Variants in RARB observed in about 807,000 individuals in gnomAD.
RARB encodes the protein retinoic acid receptor beta, also known as HBV-activated protein.
A neutral mutation model predicts 51.9 loss-of-function variants in RARB; 17 were observed. The observed-to-expected ratio is 0.33, with a 90% confidence interval of 0.22 to 0.49. The LOEUF (loss-of-function observed/expected upper bound fraction) is 0.49, where lower values mean the gene tolerates loss of function less well. Among genes scored for constraint, RARB ranks in the 20% least tolerant of loss-of-function variants. The pLI, the probability that RARB is intolerant of heterozygous loss-of-function variation, is 0.99. For synonymous variants in RARB, 215 were observed against 195.4 expected, an observed-to-expected ratio of 1.10 and a Z score of -0.84; for missense variants, 369 against 550.8, an observed-to-expected ratio of 0.67 and a Z score of 3.30.
intron 3 of RARB, among the ~76,000 whole-genome samples, chr3:25,090,436 T>A (rs1034974665): frequency 6.6e-6 from 1 of 152,152 alleles, no homozygotes; most frequent in Non-Finnish European, 1.5e-5. Flanking sequence ...GTTCAATATA[T>A]AACTTCCAAA....
chr3:25,150,647 G>A (rs148826730), intron 4 of RARB, among the ~76,000 whole-genome samples: 2 of 152,278 alleles, frequency 1.3e-5, no homozygotes, highest in East Asian at 3.9e-4. Flanking sequence ...TGAGAGAACA[G>A]CCCCAGGTTA....
chr3:25,184,067 A>G (rs1640635040), intron 5 of RARB, among the ~76,000 whole-genome samples: 1 of 151,972 alleles, frequency 6.6e-6, no homozygotes, highest in South Asian at 2.1e-4. Context: ...GGCCCCTACC[A>G]TTGTCTTTTT....
chr3:25,012,440 C>A (rs1697419210), intron 2 of RARB, among the ~76,000 whole-genome samples: 1 of 152,058 alleles, frequency 6.6e-6, no homozygotes, highest in Admixed American at 6.6e-5. Flanking sequence ...CCATGTGCAT[C>A]CAGATCATCA....
chr3:24,966,722 G>A (rs1026266638), intron 2 of RARB, among the ~76,000 whole-genome samples: 8 of 151,088 alleles, frequency 5.3e-5, no homozygotes, highest in South Asian at 4.2e-4. Context: ...CTAAAGTATG[G>A]GTTCACCCAC....
chr3:25,331,057 C>A (rs182142347), intron 5 of RARB, among the ~76,000 whole-genome samples: 4 of 152,272 alleles, frequency 2.6e-5, no homozygotes, highest in East Asian at 3.9e-4. Flanking sequence ...GAGACTTAGA[C>A]CCCCACACAA....
intron 2 of RARB, among the ~76,000 whole-genome samples, chr3:25,041,317 T>A (rs1034193521): frequency 6.6e-6 from 1 of 152,228 alleles, no homozygotes; most frequent in Non-Finnish European, 1.5e-5. Context: ...CTGATACATA[T>A]GATTCACAAG....
intron 4 of RARB, among the ~76,000 whole-genome samples, chr3:25,132,388 G>C (rs1699967803): frequency 6.6e-6 from 1 of 151,870 alleles, no homozygotes; most frequent in Non-Finnish European, 1.5e-5. Context: ...CCCAGCAGGA[G>C]ATTTTAGACA....
rs566730445 is a variant in RARB at position 25,319,643 on chromosome 3, G to T, written c.179-141550G>T. On this transcript the variant is annotated intron_variant, in intron 5 of 11. Transcript: ENST00000383772. ...AACATGATTGCATGCGTGCATGGCA[G>T]TTTTGATTTTTTTTCTCCTGAATAG... 2.6e-5 allele frequency among the ~76,000 whole-genome samples: 3 copies of T among 115,240 alleles called. No individual in the cohort carries two copies. The East Asian group carries it at 2.4e-3, about 91-fold the overall frequency. The allele number at this position is 115,240 out of a possible 152,430, so 75.6% of individuals were successfully genotyped here.
intron 2 of RARB, among the ~76,000 whole-genome samples, chr3:24,990,807 C>G (rs189260178): frequency 2.7e-4 from 41 of 152,256 alleles, no homozygotes; most frequent in Admixed American, 4.6e-4. Flanking sequence ...TGACAAGCAT[C>G]CAACAAATCC....
intron 5 of RARB, among the ~76,000 whole-genome samples, chr3:25,262,375 C>T (rs1703020293): frequency 6.6e-6 from 1 of 152,148 alleles, no homozygotes; most frequent in African/African-American, 2.4e-5. Flanking sequence ...TTCGTGTCTG[C>T]TATAACAAAT....
chr3:24,966,446 T>C (rs1696274634), intron 2 of RARB, among the ~76,000 whole-genome samples: 1 of 152,160 alleles, frequency 6.6e-6, no homozygotes. Context: ...GCAGGTGGCT[T>C]GCATTTTGAA....
intron 5 of RARB, among the ~76,000 whole-genome samples, chr3:25,587,738 C>G (rs1215145151): frequency 6.6e-6 from 1 of 152,226 alleles, no homozygotes; most frequent in African/African-American, 2.4e-5. Flanking sequence ...ACCACTTAAA[C>G]ATTGTTACTA....
intron 5 of RARB, among the ~76,000 whole-genome samples, chr3:25,583,936 C>A (rs1309420533): frequency 6.6e-6 from 1 of 152,134 alleles, no homozygotes; most frequent in Non-Finnish European, 1.5e-5. Flanking sequence ...AGTGAGGGAG[C>A]CCCGGAGCAG....
intron 2 of RARB, among the ~76,000 whole-genome samples, chr3:24,893,115 A>T (rs191337270): frequency 3.9e-5 from 6 of 152,360 alleles, no homozygotes; most frequent in Non-Finnish European, 7.3e-5. Context: ...AATGAACTCT[A>T]GTAATGGTGG....
chr3:25,506,863 T>A (rs1207678196), intron 3 of RARB, among the ~76,000 whole-genome samples: 1 of 152,254 alleles, frequency 6.6e-6, no homozygotes, highest in Non-Finnish European at 1.5e-5. Context: ...GCTTCTCCCC[T>A]ACCAGTAGAC....
intron 5 of RARB, among the ~76,000 whole-genome samples, chr3:25,371,490 A>G (rs1343248342): frequency 2.0e-5 from 3 of 152,254 alleles, no homozygotes; most frequent in Non-Finnish European, 4.4e-5. Flanking sequence ...AGAGCAAAAT[A>G]TCTTTCATGG....
chr3:24,872,975 A>G (rs991924957), intron 2 of RARB, among the ~76,000 whole-genome samples: 2 of 152,338 alleles, frequency 1.3e-5, no homozygotes, highest in Middle Eastern at 3.4e-3. Flanking sequence ...TCTAAAGGCC[A>G]AACAGAATTT....
chr3:24,992,774 C>T (rs1696940731), intron 2 of RARB, among the ~76,000 whole-genome samples: 1 of 152,128 alleles, frequency 6.6e-6, no homozygotes. Context: ...AGCGATCACC[C>T]ATATGACCTC....
intron 5 of RARB, among the ~76,000 whole-genome samples, chr3:25,218,631 T>G (rs1030517658): frequency 2.0e-5 from 3 of 152,200 alleles, no homozygotes; most frequent in African/African-American, 7.2e-5. Flanking sequence ...CTTCTTCAAC[T>G]GCAAGAGAAG....
Sources: allele counts gnomAD v4.1 joint callset (sites outside exome capture counted in the v4.1 genomes callset), GRCh38; gene constraint gnomAD v4.1.1; transcripts MANE v1.5; gene names NCBI Gene and HGNC (gene_info 2026-07-23, HGNC 2026-07-21).